GPHN: variants seen among roughly 807,000 people sequenced by gnomAD.
GPHN encodes gephyrin.
A neutral mutation model predicts 95.5 loss-of-function variants in GPHN; 17 were observed. The ratio of observed to expected loss-of-function variants is 0.18; its 90% CI spans 0.12 to 0.27. The LOEUF is 0.27. Among genes scored for constraint, GPHN ranks in the 10% least tolerant of loss-of-function variants. GPHN has a pLI of 1.00. For missense variants in GPHN, 660 were observed against 978.1 expected (o/e 0.67, Z 4.34); for synonymous variants, 320 against 322.5 (o/e 0.99, Z 0.08).
chr14:67,457,129 G>A, the GPHN span, among the ~76,000 whole-genome samples: 2 of 152,308 alleles, frequency 1.3e-5, no homozygotes, highest in East Asian at 3.9e-4. Flanking sequence ...GCCTACTTGA[G>A]GGTGGAGGGT....
At chr14:66,771,301 G>A (rs1203921771) in intron 2 of GPHN, among the ~76,000 whole-genome samples, 2 of 152,076 alleles carry the variant, frequency 1.3e-5, no homozygotes, top group African/African-American at 2.4e-5. Context: ...CTTACATTAT[G>A]TAATCAATCG....
chr14:67,211,264 G>A, the GPHN span, among the ~76,000 whole-genome samples: 1 of 152,108 alleles, frequency 6.6e-6, no homozygotes, highest in Admixed American at 6.5e-5. Context: ...ATATAGGTGG[G>A]AGGAAGGAAG....
the GPHN span, chr14:67,649,196 T>C: frequency 6.6e-6 from 1 of 152,148 alleles, no homozygotes; most frequent in African/African-American, 2.4e-5. Context: ...GGCTTGTCTC[T>C]TTGTTCCTAT....
chr14:67,330,243 A>G, the GPHN span, among the ~76,000 whole-genome samples: 12 of 151,164 alleles, frequency 7.9e-5, no homozygotes, highest in Admixed American at 4.6e-4. Context: ...TCTCTTTTCT[A>G]TTTAATTCAT....
chr14:66,546,210 G>A (rs1339414651), intron 1 of GPHN, among the ~76,000 whole-genome samples: 1 of 151,434 alleles, frequency 6.6e-6, no homozygotes, highest in African/African-American at 2.4e-5. Flanking sequence ...TCCTAGATGG[G>A]ATGGTGGCTG....
At chr14:67,236,101 T>C in the GPHN span, among the ~76,000 whole-genome samples, 1 of 152,232 alleles carries the variant, frequency 6.6e-6, no homozygotes, top group Non-Finnish European at 1.5e-5. Flanking sequence ...ATTTAAAATC[T>C]AGTCTCTTAA....
chr14:67,677,877 G>A, the GPHN span: 1 of 154,340 alleles, frequency 6.5e-6, no homozygotes, highest in Non-Finnish European at 1.4e-5. Flanking sequence ...CTGCTCCTGA[G>A]CCAGTCTTTG....
intron 4 of GPHN, among the ~76,000 whole-genome samples, chr14:66,832,454 A>G (rs2061615544): frequency 1.3e-5 from 2 of 152,250 alleles, no homozygotes; most frequent in South Asian, 4.1e-4. Flanking sequence ...AACTACAAAC[A>G]TAATTGGTGG....
chr14:67,715,370 C>T, the GPHN span, among the ~76,000 whole-genome samples: 4 of 152,218 alleles, frequency 2.6e-5, no homozygotes, highest in African/African-American at 9.6e-5. Context: ...TTACTCCAAA[C>T]AGAAAATAGC....
chr14:66,684,466 G>A (rs1325055729), intron 2 of GPHN, among the ~76,000 whole-genome samples: 1 of 152,144 alleles, frequency 6.6e-6, no homozygotes, highest in African/African-American at 2.4e-5. Context: ...TAGATGAGGG[G>A]CTTACTGCAT....
chr14:67,262,738 T>C, the GPHN span, among the ~76,000 whole-genome samples: 1 of 152,180 alleles, frequency 6.6e-6, no homozygotes, highest in Non-Finnish European at 1.5e-5. Context: ...TCAAACAATT[T>C]AGTGTAGCAT....
At chr14:67,508,933 A>C in the GPHN span, among the ~76,000 whole-genome samples, 10 of 152,092 alleles carry the variant, frequency 6.6e-5, no homozygotes, top group East Asian at 1.9e-3. Flanking sequence ...CCCCAGAGTC[A>C]TAATCAGGTC....
At chr14:67,332,716 G>A in the GPHN span, 1 of 1,503,542 alleles carries the variant, frequency 6.7e-7, no homozygotes, top group East Asian at 2.3e-5. Context: ...GGCCATCTCT[G>A]ACTCATCCTA....
chr14:67,474,123 G>A, the GPHN span, among the ~76,000 whole-genome samples: 1 of 152,124 alleles, frequency 6.6e-6, no homozygotes, highest in African/African-American at 2.4e-5. Flanking sequence ...GTGGTGGCCC[G>A]CTCCTGTAAT....
At chr14:66,588,649 C>T (rs1449028626) in intron 1 of GPHN, among the ~76,000 whole-genome samples, 2 of 151,848 alleles carry the variant, frequency 1.3e-5, no homozygotes, top group Non-Finnish European at 2.9e-5. Flanking sequence ...GATTGAAGAT[C>T]AACTTAATGA....
the GPHN span, chr14:67,660,032 T>A: frequency 3.0e-5 from 33 of 1,090,604 alleles, no homozygotes; most frequent in African/African-American, 3.5e-4. Flanking sequence ...CTACACCAAG[T>A]AAATAACCAT....
chr14:66,816,162 G>C (rs897132167), intron 3 of GPHN, among the ~76,000 whole-genome samples: 1 of 152,154 alleles, frequency 6.6e-6, no homozygotes, highest in African/African-American at 2.4e-5. Context: ...CATAAAGTAG[G>C]TTCTTAGGGA....
At chr14:66,796,163 C>G (rs951420187) in intron 3 of GPHN, among the ~76,000 whole-genome samples, 1 of 152,082 alleles carries the variant, frequency 6.6e-6, no homozygotes, top group Non-Finnish European at 1.5e-5. Flanking sequence ...ATGACTGAAT[C>G]TCATTCTTTT....
chr14:67,063,606 T>C (rs1055462006), intron 11 of GPHN, among the ~76,000 whole-genome samples: 1 of 152,232 alleles, frequency 6.6e-6, no homozygotes, highest in Non-Finnish European at 1.5e-5. Context: ...TTTTATTTCA[T>C]TGAGCAGTAA....
Sources: gnomAD v4.1 joint callset for allele counts (sites outside exome capture counted in the v4.1 genomes callset) on GRCh38, gnomAD v4.1.1 for gene constraint, MANE v1.5 for transcripts, NCBI Gene and HGNC (gene_info 2026-07-23, HGNC 2026-07-21) for gene names.